Variants in ASH1L observed in about 807,000 individuals in gnomAD.
The protein encoded by ASH1L is ASH1 like histone lysine methyltransferase, also known as histone-lysine N-methyltransferase ASH1L.
ASH1L carries 23 observed loss-of-function variants against 269.0 expected under a neutral mutation model. The ratio of observed to expected loss-of-function variants is 0.09; its 90% confidence interval spans 0.06 to 0.12. ASH1L has a LOEUF of 0.12. ASH1L is among the 10% of genes least tolerant of loss of function. ASH1L has a pLI of 1.00. For synonymous variants in ASH1L, 1,187 were observed against 1,253.5 expected, an observed-to-expected ratio of 0.95 and a Z score of 1.12; for missense variants, 2,912 against 3,567.8, an observed-to-expected ratio of 0.82 and a Z score of 4.68.
At chr1:155,493,345 A>G (rs909649038) in intron 2 of ASH1L, among the ~76,000 whole-genome samples, 3 of 152,248 alleles carry the variant, frequency 2.0e-5, no homozygotes, top group Non-Finnish European at 4.4e-5. Flanking sequence ...TAGCTCTACA[A>G]TAACAAAGTA....
chr1:155,521,298 T>C lies in ASH1L; in HGVS notation c.222A>G (p.Ser74=). Residue 74 remains serine (S), a synonymous_variant, in exon 2 of 28, where the codon TCA becomes TCG. Transcript: ENST00000392403. ...DGLTDAQQQF[S]VKETNFSEGN... ...CCTCTGAAAAGTTTGTTTCTTTCACTGAAAACTGTTGCTGTGCATCAGTCA... is the reference window on the plus strand; with the variant it reads ...CCTCTGAAAAGTTTGTTTCTTTCACCGAAAACTGTTGCTGTGCATCAGTCA... 6.2e-7 allele frequency: 1 copy of C among 1,614,194 alleles called. No individual in the cohort carries two copies. The highest frequency in any genetic ancestry group is 1.1e-5 in the South Asian group (1 of 91,088).
chr1:155,556,605 C>T (rs1051846553), intron 1 of ASH1L, among the ~76,000 whole-genome samples: 4 of 151,984 alleles, frequency 2.6e-5, no homozygotes, highest in Admixed American at 6.6e-5. Flanking sequence ...CCACCTGCGC[C>T]TAATTTTTTA....
At chr1:155,504,576 G>A (rs200237473) in intron 2 of ASH1L, among the ~76,000 whole-genome samples, 1 of 152,138 alleles carries the variant, frequency 6.6e-6, no homozygotes, top group East Asian at 1.9e-4. Flanking sequence ...TTTACTGGCT[G>A]GGCGCGGTGG....
intron 2 of ASH1L, among the ~76,000 whole-genome samples, chr1:155,485,448 G>C (rs2148743915): frequency 6.6e-6 from 1 of 152,276 alleles, no homozygotes. Flanking sequence ...AGCCTTCTGA[G>C]TAGTTGGGCT....
intron 1 of ASH1L, among the ~76,000 whole-genome samples, chr1:155,541,053 G>C (rs981775099): frequency 6.6e-6 from 1 of 152,108 alleles, no homozygotes; most frequent in Non-Finnish European, 1.5e-5. Flanking sequence ...ACCCTGCTAA[G>C]TGCATATCCA....
chr1:155,389,047 G>A (rs947229780), intron 7 of ASH1L, among the ~76,000 whole-genome samples: 3 of 144,430 alleles, frequency 2.1e-5, no homozygotes, highest in East Asian at 4.2e-4. Context: ...GCTCTGTCAC[G>A]CAGGCTGGAG....
chr1:155,408,934 CAG>C (rs1041102752), intron 6 of ASH1L, among the ~76,000 whole-genome samples: 5 of 151,390 alleles, frequency 3.3e-5, no homozygotes, highest in African/African-American at 4.9e-5. Context: ...ACAAAACAAA[CAG>C]AGAGTTTACG....
chr1:155,522,725 C>T (rs1422360493), intron 1 of ASH1L, among the ~76,000 whole-genome samples: 8 of 146,572 alleles, frequency 5.5e-5, no homozygotes, highest in African/African-American at 1.3e-4. Context: ...CTCGCTCTGT[C>T]GCCCAGGCTG....
intron 4 of ASH1L, among the ~76,000 whole-genome samples, chr1:155,444,853 G>A (rs1446065966): frequency 2.1e-5 from 3 of 140,264 alleles, no homozygotes; most frequent in Non-Finnish European, 4.4e-5. Context: ...TCTTGACCTC[G>A]TGATCCGCCC....
intron 10 of ASH1L, among the ~76,000 whole-genome samples, chr1:155,373,080 G>C (rs1368881954): frequency 6.6e-6 from 1 of 151,922 alleles, no homozygotes; most frequent in Non-Finnish European, 1.5e-5. Context: ...GGGCGTGGTG[G>C]TATGTGCCTA....
intron 2 of ASH1L, among the ~76,000 whole-genome samples, chr1:155,495,582 G>C (rs986748758): frequency 2.0e-5 from 3 of 152,166 alleles, no homozygotes; most frequent in African/African-American, 7.2e-5. Context: ...GACACTCTGG[G>C]AAAGTCAGTG....
chr1:155,480,831 G>T lies in ASH1L; in HGVS notation c.2039C>A (p.Pro680His). 1 of 1,613,886 alleles carries T rather than the reference G, an allele frequency of 6.2e-7. No homozygotes were observed. The highest frequency in any genetic ancestry group is 1.1e-5 in the South Asian group (1 of 91,044). ...AGATACTGCACCCAGTTTTAAAAAA[G>T]GCTTATTACTAAATAAACTAGTGAA... is the stretch of plus-strand genomic sequence containing the variant. ...VNFTSLFSNK[P>H]FLKLGAVSAS... The change falls in exon 3 of 28, where the codon CCT becomes CAT. Residue 680 changes from proline (P) to histidine (H), a missense_variant. This residue lies in a region of ASH1L where 715 missense variants were observed against 721.0 expected (regional missense o/e 0.99). Transcript: ENST00000392403.
intron 4 of ASH1L, among the ~76,000 whole-genome samples, chr1:155,442,339 G>A (rs1437211574): frequency 6.6e-6 from 1 of 151,540 alleles, no homozygotes; most frequent in East Asian, 1.9e-4. Context: ...TGTAATCCCA[G>A]CACTTTGGGA....
chr1:155,476,450 T>G (rs935757576), intron 3 of ASH1L, among the ~76,000 whole-genome samples: 28 of 152,266 alleles, frequency 1.8e-4, no homozygotes, highest in African/African-American at 5.8e-4. Context: ...GATTCTCCAC[T>G]AAGTTTTAAT....
chr1:155,360,529 C>T (rs767956329), intron 12 of ASH1L, 120 bp from the exon 13 acceptor site: 21 of 599,030 alleles, frequency 3.5e-5, no homozygotes, highest in South Asian at 1.1e-4. Flanking sequence ...CCGCAACCTC[C>T]GCTTCCCGGA....
intron 6 of ASH1L, among the ~76,000 whole-genome samples, chr1:155,399,389 T>TC (rs1391467824): frequency 1.5e-4 from 22 of 151,170 alleles, no homozygotes; most frequent in African/African-American, 5.3e-4. Flanking sequence ...AAGCATGTAA[T>TC]CCAAGCACTT....
intron 17 of ASH1L, among the ~76,000 whole-genome samples, chr1:155,352,426 T>C (rs1654015217): frequency 6.6e-6 from 1 of 152,044 alleles, no homozygotes; most frequent in African/African-American, 2.4e-5. Flanking sequence ...GGTCCCCATT[T>C]TTCTCTTTAT....
At chr1:155,407,115 C>T (rs1003264678) in intron 6 of ASH1L, among the ~76,000 whole-genome samples, 2 of 152,052 alleles carry the variant, frequency 1.3e-5, no homozygotes, top group African/African-American at 2.4e-5. Context: ...CCCAGCTACT[C>T]GGGAGGTTCG....
intron 1 of ASH1L, among the ~76,000 whole-genome samples, chr1:155,523,547 G>A (rs995565551): frequency 9.2e-5 from 14 of 152,078 alleles, no homozygotes; most frequent in Non-Finnish European, 1.3e-4. Flanking sequence ...AAAATACCTC[G>A]CCCAATGACT....
Sources: allele counts gnomAD v4.1 joint callset (sites outside exome capture counted in the v4.1 genomes callset), GRCh38; gene constraint gnomAD v4.1.1; regional missense constraint gnomAD v4.1.1; transcripts MANE v1.5; gene names NCBI Gene and HGNC (gene_info 2026-07-23, HGNC 2026-07-21).